Variants in FAM193A observed in about 807,000 individuals in gnomAD.
The protein encoded by FAM193A is protein FAM193A.
A neutral mutation model predicts 126.5 loss-of-function variants in FAM193A; 22 were observed. The ratio of observed to expected loss-of-function variants is 0.17; its 90% CI spans 0.12 to 0.25. The LOEUF (loss-of-function observed/expected upper bound fraction) is 0.25. FAM193A is among the 10% of genes least tolerant of loss of function. The pLI is 1.00. For synonymous variants in FAM193A, 761 were observed against 646.8 expected, an observed-to-expected ratio of 1.18 and a Z score of -2.68; for missense variants, 1,675 against 1,672.8, an observed-to-expected ratio of 1.00 and a Z score of -0.02.
chr4:2,675,056 A>G (rs1053553868), intron 13 of FAM193A, among the ~76,000 whole-genome samples: 5 of 152,180 alleles, frequency 3.3e-5, no homozygotes, highest in African/African-American at 9.6e-5. Flanking sequence ...TCTCCCAACT[A>G]TCTTTTTGTT....
chr4:2,704,019 A>C (rs182901778), intron 19 of FAM193A, among the ~76,000 whole-genome samples: 5 of 150,278 alleles, frequency 3.3e-5, no homozygotes, highest in Non-Finnish European at 7.4e-5. Flanking sequence ...TGTTATCCCA[A>C]CATGTTGGGA....
At chr4:2,616,513 C>T (rs1048954346) in intron 2 of FAM193A, among the ~76,000 whole-genome samples, 8 of 151,898 alleles carry the variant, frequency 5.3e-5, no homozygotes, top group Non-Finnish European at 8.8e-5. Flanking sequence ...TGCATTTTTT[C>T]TCCTGTTTTT....
chr4:2,563,915 C>G (rs766928410), intron 1 of FAM193A, among the ~76,000 whole-genome samples: 1 of 152,100 alleles, frequency 6.6e-6, no homozygotes, highest in Admixed American at 6.6e-5. Context: ...AAGTCATGCA[C>G]TACACAATCT....
At chr4:2,661,676 C>G (rs1002134098) in intron 10 of FAM193A, among the ~76,000 whole-genome samples, 4 of 152,186 alleles carry the variant, frequency 2.6e-5, no homozygotes, top group Non-Finnish European at 4.4e-5. Context: ...GTCCTGGACA[C>G]TCTTCACTCA....
At chr4:2,559,658 G>C (rs1022867760) in intron 1 of FAM193A, among the ~76,000 whole-genome samples, 1 of 152,134 alleles carries the variant, frequency 6.6e-6, no homozygotes, top group African/African-American at 2.4e-5. Context: ...TCTTCTCTGT[G>C]AACACACTCT....
intron 5 of FAM193A, among the ~76,000 whole-genome samples, chr4:2,632,457 G>T (rs951695315): frequency 2.0e-5 from 3 of 152,126 alleles, no homozygotes; most frequent in Admixed American, 6.5e-5. Context: ...TACTCAAGAG[G>T]CTGTGAGGCA....
At chr4:2,711,253 G>A in intron 19 of FAM193A, among the ~76,000 whole-genome samples, 1 of 152,140 alleles carries the variant, frequency 6.6e-6, no homozygotes, top group East Asian at 1.9e-4. Context: ...TGATAAAAGT[G>A]TTCAGCACGT....
chr4:2,653,314 A>G (rs1040510845), intron 7 of FAM193A, among the ~76,000 whole-genome samples: 1 of 152,248 alleles, frequency 6.6e-6, no homozygotes, highest in Non-Finnish European at 1.5e-5. Context: ...TAACACATAC[A>G]TGTTCTCTCT....
intron 1 of FAM193A, among the ~76,000 whole-genome samples, chr4:2,575,594 G>A (rs1739540492): frequency 6.7e-6 from 1 of 148,242 alleles, no homozygotes. Context: ...AGCCTCCTGA[G>A]TAGCTGGGAT....
intron 1 of FAM193A, among the ~76,000 whole-genome samples, chr4:2,563,914 A>G (rs1738780740): frequency 6.6e-6 from 1 of 152,180 alleles, no homozygotes; most frequent in Non-Finnish European, 1.5e-5. Flanking sequence ...AAAGTCATGC[A>G]CTACACAATC....
intron 7 of FAM193A, among the ~76,000 whole-genome samples, chr4:2,650,318 G>A (rs922627806): frequency 6.6e-6 from 1 of 152,164 alleles, no homozygotes; most frequent in Non-Finnish European, 1.5e-5. Context: ...TGGCACCCAC[G>A]CAGGGTGGTT....
At chr4:2,546,088 C>A (rs1358813423) in intron 1 of FAM193A, among the ~76,000 whole-genome samples, 2 of 151,680 alleles carry the variant, frequency 1.3e-5, no homozygotes, top group African/African-American at 4.9e-5. Context: ...GCAGAGGTTG[C>A]AGTGAGCCGA....
intron 2 of FAM193A, among the ~76,000 whole-genome samples, chr4:2,612,283 C>T (rs1048263300): frequency 6.6e-6 from 1 of 151,766 alleles, no homozygotes; most frequent in African/African-American, 2.4e-5. Context: ...GGGTGGGTCA[C>T]GAGGTCAGGA....
chr4:2,594,519 G>A (rs930829355), intron 1 of FAM193A, among the ~76,000 whole-genome samples: 1 of 152,152 alleles, frequency 6.6e-6, no homozygotes, highest in Non-Finnish European at 1.5e-5. Context: ...AGAGACTAGC[G>A]GGGGTTCTCT....
chr4:2,548,307 A>G (rs1378814019), intron 1 of FAM193A, among the ~76,000 whole-genome samples: 13 of 149,524 alleles, frequency 8.7e-5, no homozygotes, highest in Admixed American at 6.7e-4. Context: ...CTGACCTCAG[A>G]TTATCCGCCC....
chr4:2,606,150 A>G (rs1340628295), intron 2 of FAM193A, among the ~76,000 whole-genome samples: 2 of 131,640 alleles, frequency 1.5e-5, no homozygotes, highest in African/African-American at 5.8e-5. Flanking sequence ...GCCTGGGTTC[A>G]AGTGATTCTC....
intron 2 of FAM193A, among the ~76,000 whole-genome samples, chr4:2,617,240 T>TGA (rs1742248754): frequency 2.8e-5 from 1 of 35,242 alleles, no homozygotes; most frequent in Non-Finnish European, 4.4e-5. Flanking sequence ...TATGTTTTTA[T>TGA]TATATATATA....
intron 1 of FAM193A, among the ~76,000 whole-genome samples, chr4:2,550,694 C>T (rs896908585): frequency 6.0e-5 from 9 of 150,754 alleles, no homozygotes; most frequent in African/African-American, 2.2e-4. Context: ...CCTCGGCCTC[C>T]CAAAGTGCTG....
At chr4:2,662,287 C>T (rs1265789689) in intron 10 of FAM193A, among the ~76,000 whole-genome samples, 1 of 152,172 alleles carries the variant, frequency 6.6e-6, no homozygotes, top group African/African-American at 2.4e-5. Context: ...CATGAGTGAC[C>T]AGGCCATGAC....
Sources: allele counts gnomAD v4.1 joint callset (sites outside exome capture counted in the v4.1 genomes callset), GRCh38; gene constraint gnomAD v4.1.1; transcripts MANE v1.5; gene names NCBI Gene and HGNC (gene_info 2026-07-23, HGNC 2026-07-21).